Variants in CAPN9 observed in about 807,000 individuals in gnomAD.
CAPN9 encodes the protein calpain 9.
A neutral mutation model predicts 92.8 loss-of-function variants in CAPN9; 81 were observed. The observed-to-expected ratio is 0.87, with a 90% CI of 0.73 to 1.05. The LOEUF (loss-of-function observed/expected upper bound fraction) is 1.05. Among genes scored for constraint, CAPN9 ranks in the 50% least tolerant of loss-of-function variants. CAPN9 has a pLI of 0.00. For synonymous variants in CAPN9, 304 were observed against 328.0 expected, an observed-to-expected ratio of 0.93 and a Z score of 0.79; for missense variants, 848 against 866.2, an observed-to-expected ratio of 0.98 and a Z score of 0.26.
At chr1:230,795,471 G>A (rs1226760265) in intron 18 of CAPN9, 192 bp downstream of exon 18, 4 of 534,734 alleles carry the variant, frequency 7.5e-6, no homozygotes, top group East Asian at 3.3e-5. Context: ...CCTGCAGCAC[G>A]TTTCTTAGCA....
rs751583717 is a variant in CAPN9, at chr1:230,755,329, T to C, written c.214-8T>C. On this transcript the variant is annotated splice_polypyrimidine_tract_variant and splice_region_variant and intron_variant, in intron 1 of 19. Coordinates refer to ENST00000271971, the MANE Select transcript of CAPN9 (RefSeq NM_006615.3). ...GGCCTCAGCCTAATAACACTCTCAT[T>C]CCTCCAGGAAATCGTGAAAAACCCA... is the stretch of plus-strand genomic sequence containing the variant. The C allele has an allele frequency of 6.2e-7, 1 of 1,608,690 alleles. No homozygotes were observed. Among genetic ancestry groups the C allele is most frequent in the Non-Finnish European group, 8.5e-7 (1 of 1,176,890 alleles).
chr1:230,796,522 T>C (rs1021858545), intron 18 of CAPN9, among the ~76,000 whole-genome samples: 1 of 152,098 alleles, frequency 6.6e-6, no homozygotes, highest in African/African-American at 2.4e-5. Flanking sequence ...AGAGCCGTAA[T>C]TTCTGGACAA....
chr1:230,801,448 C>A, intron 19 of CAPN9, 122 bp from the exon 20 acceptor site: 2 of 898,622 alleles, frequency 2.2e-6, no homozygotes, highest in African/African-American at 1.6e-5. Flanking sequence ...TCCAAGTTGG[C>A]AGGCAAAATG....
intron 11 of CAPN9, among the ~76,000 whole-genome samples, chr1:230,783,355 A>C (rs923438927): frequency 2.0e-5 from 3 of 152,236 alleles, no homozygotes; most frequent in Non-Finnish European, 4.4e-5. Flanking sequence ...TGTCCCCATC[A>C]AATCTGAAGT....
At chr1:230,772,650 G>A (rs1430827937) in intron 7 of CAPN9, among the ~76,000 whole-genome samples, 2 of 152,112 alleles carry the variant, frequency 1.3e-5, no homozygotes, top group African/African-American at 2.4e-5. Context: ...GCCGAGGTGG[G>A]AGGATCACTT....
At chr1:230,787,378 A>G in intron 12 of CAPN9, 144 bp from the exon 13 acceptor site, 1 of 628,948 alleles carries the variant, frequency 1.6e-6, no homozygotes, top group South Asian at 2.0e-5. Context: ...AATGTTCCTC[A>G]CGCTACAGGA....
At chr1:230,753,205 G>C (rs750598430) in intron 1 of CAPN9, among the ~76,000 whole-genome samples, 59 of 152,274 alleles carry the variant, frequency 3.9e-4, no homozygotes, top group Non-Finnish European at 7.1e-4. Flanking sequence ...CCTGGAGCTG[G>C]GGGTGGGAAT....
intron 3 of CAPN9, among the ~76,000 whole-genome samples, chr1:230,762,102 G>A (rs1665683705): frequency 6.6e-6 from 1 of 152,166 alleles, no homozygotes; most frequent in Admixed American, 6.5e-5. Flanking sequence ...CTCCACTCAT[G>A]TCTCCTCACT....
intron 3 of CAPN9, among the ~76,000 whole-genome samples, chr1:230,761,693 C>T (rs1343343820): frequency 4.6e-5 from 7 of 152,056 alleles, no homozygotes; most frequent in Admixed American, 3.3e-4. Context: ...ACTGTGCCTA[C>T]CCTCCTCTTT....
chr1:230,799,670 T>C (rs917311415), intron 19 of CAPN9, among the ~76,000 whole-genome samples: 7 of 152,250 alleles, frequency 4.6e-5, no homozygotes, highest in African/African-American at 1.7e-4. Flanking sequence ...ACACATGTAA[T>C]AACTATACCT....
At chr1:230,751,016 G>T (rs180901721) in intron 1 of CAPN9, among the ~76,000 whole-genome samples, 1 of 152,318 alleles carries the variant, frequency 6.6e-6, no homozygotes, top group East Asian at 1.9e-4. Context: ...CCACCATGCA[G>T]TCCATCCCTC....
chr1:230,764,875 A>T (rs1665870607), intron 4 of CAPN9, among the ~76,000 whole-genome samples: 1 of 152,162 alleles, frequency 6.6e-6, no homozygotes, highest in South Asian at 2.1e-4. Context: ...CTTAACAGAG[A>T]TGGTTATGTA....
intron 17 of CAPN9, 77 bp downstream of exon 17, chr1:230,793,005 T>C: frequency 9.1e-7 from 1 of 1,098,608 alleles, no homozygotes; most frequent in Non-Finnish European, 1.4e-6. Flanking sequence ...AGATGGCAGG[T>C]CTTCTCTCTG....
chr1:230,784,646 G>A (rs906740980), intron 11 of CAPN9, among the ~76,000 whole-genome samples: 6 of 152,262 alleles, frequency 3.9e-5, no homozygotes, highest in African/African-American at 1.4e-4. Flanking sequence ...GACTGAATGA[G>A]GCTTGGCAGC....
chr1:230,797,512 C>G (rs1668432238), intron 18 of CAPN9, among the ~76,000 whole-genome samples: 1 of 152,230 alleles, frequency 6.6e-6, no homozygotes, highest in South Asian at 2.1e-4. Context: ...TGGGTCTCTT[C>G]CATTTCTTGT....
At chr1:230,778,338 T>A (rs1408493861) in intron 8 of CAPN9, among the ~76,000 whole-genome samples, 1 of 152,142 alleles carries the variant, frequency 6.6e-6, no homozygotes, top group Admixed American at 6.5e-5. Flanking sequence ...GGCACTAACT[T>A]CCTAGCTGCC....
intron 2 of CAPN9, 64 bp from the exon 3 acceptor site, chr1:230,759,448 C>A (rs1665475968): frequency 8.4e-7 from 1 of 1,187,166 alleles, no homozygotes. Context: ...CCTTCTGACA[C>A]AGAGTTTTCC....
intron 11 of CAPN9, among the ~76,000 whole-genome samples, chr1:230,785,508 G>A (rs771959265): frequency 6.6e-6 from 1 of 152,070 alleles, no homozygotes; most frequent in African/African-American, 2.4e-5. Flanking sequence ...GAGTTTGCAC[G>A]AGATCTGGTT....
At position 230,767,635 on chromosome 1, in the gene CAPN9, G is replaced by C. The variant is rs1181938438; in HGVS notation, c.631G>C (p.Glu211Gln). 6.2e-7 allele frequency: 1 copy of C among 1,614,002 alleles called. No individual in the cohort carries two copies. Among genetic ancestry groups the C allele is most frequent in the Non-Finnish European group, 8.5e-7 (1 of 1,179,982 alleles). The stretch of plus-strand genomic sequence containing the variant: ...TGTGGCAGAGACCTTCCAAACTAAA[G>C]AGGCCCCCGAGAACTTCTATGAGAT... ...GGVAETFQTK[E>Q]APENFYEILE... Residue 211 changes from glutamate to glutamine, a missense_variant, in exon 5 of 20, where the codon GAG becomes CAG. Transcript: ENST00000271971.
Sources: gnomAD v4.1 joint callset for allele counts (sites outside exome capture counted in the v4.1 genomes callset) on GRCh38, gnomAD v4.1.1 for gene constraint, MANE v1.5 for transcripts, NCBI Gene and HGNC (gene_info 2026-07-23, HGNC 2026-07-21) for gene names.